Variants in SLC28A1 observed in about 807,000 individuals in gnomAD.
The protein encoded by SLC28A1 is solute carrier family 28 member 1.
A neutral mutation model predicts 74.8 loss-of-function variants in SLC28A1; 64 were observed. That is an observed-to-expected ratio of 0.86 (90% CI 0.70 to 1.05). The LOEUF (loss-of-function observed/expected upper bound fraction) is 1.05, where lower values mean the gene tolerates loss of function less well. Among genes scored for constraint, SLC28A1 ranks in the 50% least tolerant of loss-of-function variants. SLC28A1 has a pLI of 0.00. For missense variants in SLC28A1, 828 were observed against 822.8 expected, an observed-to-expected ratio of 1.01 and a Z score of -0.08; for synonymous variants, 359 against 335.0, an observed-to-expected ratio of 1.07 and a Z score of -0.78.
At position 84,928,071 on chromosome 15, in the gene SLC28A1, T is replaced by C. The variant is rs74393885; in HGVS notation, c.1083+3961T>C. On this transcript the variant is annotated intron_variant, in intron 12 of 18. Coordinates refer to ENST00000394573, the MANE Select transcript of SLC28A1 (RefSeq NM_004213.5). Reference sequence around the variant, plus strand: ...TGCTCGCCCATTTCCACAATCTGGCTTAAAACTCAGCCCTCTTTTCTTCCC... The same window carrying C: ...TGCTCGCCCATTTCCACAATCTGGCCTAAAACTCAGCCCTCTTTTCTTCCC... 1.2e-4 allele frequency among the ~76,000 whole-genome samples: 18 copies of C among 152,350 alleles called. No individual in the cohort carries two copies. In the East Asian group the frequency reaches 3.5e-3, roughly 29 times the overall value.
chr15:84,938,200 C>CAA lies in SLC28A1; in HGVS notation c.1581+2697_1581+2698dup, dbSNP rs34641275. On this transcript the variant is annotated intron_variant, in intron 15 of 18. Transcript: ENST00000394573. ...GGGCAACAAGAGTGAAACTCCATCT[C>CAA]AAAAAAAAAAAAAAAAGGTTTCTAT... 1.9e-3 allele frequency among the ~76,000 whole-genome samples: 244 copies of CAA among 128,938 alleles called. 1 individual carries two copies. The highest frequency in any genetic ancestry group is 8.0e-3 in the Middle Eastern group (2 of 250). 84.6% of individuals were successfully genotyped at this position (128,938 alleles called of 152,430 possible). A position where few individuals can be genotyped will look rare whatever the true frequency, so the allele number is the denominator to read the frequency against.
intron 5 of SLC28A1, among the ~76,000 whole-genome samples, chr15:84,891,927 T>G: frequency 6.6e-6 from 1 of 151,304 alleles, no homozygotes; most frequent in East Asian, 1.9e-4. Flanking sequence ...GAATGGGAGA[T>G]GAAGAGATGT....
At chr15:84,890,675 T>C in intron 5 of SLC28A1, 141 bp downstream of exon 5, 1 of 726,284 alleles carries the variant, frequency 1.4e-6, no homozygotes, top group East Asian at 2.7e-5. Context: ...CCTTGCTGGG[T>C]ACTGAGGCAT....
chr15:84,943,838 G>A (rs761757090), intron 16 of SLC28A1, among the ~76,000 whole-genome samples: 19 of 151,848 alleles, frequency 1.3e-4, no homozygotes, highest in Middle Eastern at 3.2e-3. Context: ...CTGAACCCAG[G>A]CACGAGGATG....
intron 2 of SLC28A1, 27 bp from the exon 3 acceptor site, chr15:84,887,718 T>A: frequency 1.2e-6 from 2 of 1,603,882 alleles, no homozygotes; most frequent in Non-Finnish European, 1.7e-6. Flanking sequence ...CCTTTCAGCG[T>A]TGGGCGCTCC....
rs576808509 is a variant in SLC28A1, at chr15:84,929,206, A to G, written c.1084-3939A>G. 3.3e-5 allele frequency among the ~76,000 whole-genome samples: 5 copies of G among 152,340 alleles called. No homozygotes were observed. The South Asian group carries it at 1.0e-3, about 32-fold the overall frequency. ...ATATTTTGGATATATTGAGTTAAAT[A>G]AGACATTATTAAAATTAATTTAACC... On this transcript the variant is annotated intron_variant, in intron 12 of 18. Coordinates refer to ENST00000394573, the MANE Select transcript of SLC28A1 (RefSeq NM_004213.5).
chr15:84,968,531 G>A, the SLC28A1 span, among the ~76,000 whole-genome samples: 1 of 152,226 alleles, frequency 6.6e-6, no homozygotes, highest in Non-Finnish European at 1.5e-5. Flanking sequence ...AGAGAACAAA[G>A]TGGAAGCCAC....
chr15:84,933,191 G>A lies in SLC28A1; in HGVS notation c.1130G>A (p.Cys377Tyr). Residue 377 changes from cysteine (C) to tyrosine (Y), a missense_variant, in exon 13 of 19, where the codon TGT becomes TAT. Around this residue, in one of 3 missense-constraint regions of SLC28A1, gnomAD observed 767 missense variants for 753.5 expected, o/e 1.02. Transcript: ENST00000394573. ...LIAASVMAAP[C>Y]ALALSKLVYP... ...GCAGCCTCTGTGATGGCTGCCCCTT[G>A]TGCCTTGGCCCTCTCCAAGCTGGTC... The A allele has an allele frequency of 6.2e-7, 1 of 1,613,806 alleles. No individual in the cohort carries two copies. Among genetic ancestry groups the A allele is most frequent in the Non-Finnish European group, 8.5e-7 (1 of 1,179,858 alleles).
Position 84,890,479 on chromosome 15 carries a change from C to T in SLC28A1, c.222C>T (p.Phe74=). 1 of 1,611,084 alleles carries T rather than the reference C, an allele frequency of 6.2e-7. No individual in the cohort carries two copies. The highest frequency in any genetic ancestry group is 8.5e-7 in the Non-Finnish European group (1 of 1,179,640). ...AGCCAGCCCTGAGAGCCAGAAGCTT[C>T]TGCAGGGAGCACATGCAGCTGTTTC... The part of the protein sequence containing the change: ...NLQPALRARS[F]CREHMQLFRW... The change falls in exon 5 of 19, where the codon TTC becomes TTT. Residue 74 remains phenylalanine, a synonymous_variant. Transcript: ENST00000394573.
intron 8 of SLC28A1, among the ~76,000 whole-genome samples, chr15:84,907,637 C>T (rs1045914069): frequency 6.6e-6 from 1 of 152,006 alleles, no homozygotes; most frequent in Non-Finnish European, 1.5e-5. Context: ...TCCCAAGTAG[C>T]TGGGACTCTA....
chr15:84,888,390 AG>A (rs1331378152), intron 3 of SLC28A1, among the ~76,000 whole-genome samples: 3 of 150,120 alleles, frequency 2.0e-5, no homozygotes, highest in Non-Finnish European at 4.5e-5. Flanking sequence ...GTCATATGCA[AG>A]AATACCCACC....
At chr15:84,901,323 A>G (rs1043313348) in intron 6 of SLC28A1, among the ~76,000 whole-genome samples, 12 of 152,336 alleles carry the variant, frequency 7.9e-5, no homozygotes, top group Non-Finnish European at 8.8e-5. Flanking sequence ...CCTGGCCAAT[A>G]TGGTGAAACC....
At chr15:84,927,819 G>C (rs920542864) in intron 12 of SLC28A1, among the ~76,000 whole-genome samples, 1 of 152,064 alleles carries the variant, frequency 6.6e-6, no homozygotes, top group Non-Finnish European at 1.5e-5. Context: ...TCTAGGTTTT[G>C]TTTTAAGAGT....
intron 7 of SLC28A1, among the ~76,000 whole-genome samples, chr15:84,904,914 C>T (rs1457876932): frequency 2.0e-5 from 3 of 152,234 alleles, no homozygotes; most frequent in Admixed American, 6.5e-5. Flanking sequence ...CATAAGATCC[C>T]TCCCTGTTTC....
intron 15 of SLC28A1, among the ~76,000 whole-genome samples, chr15:84,939,117 C>T (rs1037930586): frequency 2.0e-5 from 3 of 152,124 alleles, no homozygotes; most frequent in African/African-American, 4.8e-5. Context: ...ACCAGGAGTT[C>T]AAGACCAGCC....
chr15:84,949,391 T>C (rs2079339585), downstream of SLC28A1, among the ~76,000 whole-genome samples: 1 of 151,940 alleles, frequency 6.6e-6, no homozygotes, highest in African/African-American at 2.4e-5. Context: ...TTTGCTTTGT[T>C]GTTTGTTTTG....
rs372603968 is a variant in SLC28A1, at chr15:84,945,346, GGAGT to G, written c.*152_*155del. On this transcript the variant is annotated 3_prime_UTR_variant, in exon 19 of 19. Transcript: ENST00000394573. The stretch of plus-strand genomic sequence containing the variant: ...AATCCCACAATTGGGAAGGGTTCAT[GGAGT>G]GAGTGTGCAGAGAGTGAGTGAGGAC... 95 of 731,246 alleles carry G rather than the reference GGAGT, an allele frequency of 1.3e-4. 2 individuals are homozygous for G. The African/African-American group carries it at 1.6e-3, about 12-fold the overall frequency. 45.3% of individuals were successfully genotyped at this position (731,246 alleles called of 1,614,324 possible). A position where few individuals can be genotyped will look rare whatever the true frequency, so the allele number is the denominator to read the frequency against.
intron 4 of SLC28A1, among the ~76,000 whole-genome samples, chr15:84,889,545 A>C (rs1455363838): frequency 6.6e-6 from 1 of 152,102 alleles, no homozygotes; most frequent in African/African-American, 2.4e-5. Context: ...GTGGATTCCA[A>C]TTAGCATTGA....
chr15:84,912,790 C>A (rs1245384992), intron 9 of SLC28A1, among the ~76,000 whole-genome samples: 1 of 131,234 alleles, frequency 7.6e-6, no homozygotes, highest in Non-Finnish European at 1.5e-5. Context: ...TCAACAGTGC[C>A]AAATTTTGCG....
Sources: gnomAD v4.1 joint callset for allele counts (sites outside exome capture counted in the v4.1 genomes callset) on GRCh38, gnomAD v4.1.1 for gene constraint, gnomAD v4.1.1 regional missense constraint, MANE v1.5 for transcripts, NCBI Gene and HGNC (gene_info 2026-07-23, HGNC 2026-07-21) for gene names.